Variants in FRMD4A observed in about 807,000 individuals in gnomAD.
The protein encoded by FRMD4A is FERM domain-containing protein 4A.
FRMD4A carries 29 observed loss-of-function variants against 129.1 expected under a neutral mutation model. That is an observed-to-expected ratio of 0.22 (90% CI 0.17 to 0.31). FRMD4A has a LOEUF of 0.31. Among genes scored for constraint, FRMD4A ranks in the 10% least tolerant of loss-of-function variants. The probability of loss-of-function intolerance (pLI) is 1.00; values close to 1 mark genes in which losing one functional copy is unlikely to be tolerated. For synonymous variants in FRMD4A, 634 were observed against 571.6 expected, an observed-to-expected ratio of 1.11 and a Z score of -1.56; for missense variants, 1,272 against 1,375.8, an observed-to-expected ratio of 0.92 and a Z score of 1.19.
rs2081087778 is a variant in FRMD4A, at chr10:13,645,881, A to G, written c.*1157T>C. 1 of 152,682 alleles carries G rather than the reference A, an allele frequency of 6.5e-6. No homozygotes were observed. Among genetic ancestry groups the G allele is most frequent in the African/African-American group, 2.4e-5 (1 of 41,476 alleles). The allele number at this position is 152,682 out of a possible 1,614,324, so 9.5% of individuals were successfully genotyped here. A position where few individuals can be genotyped will look rare whatever the true frequency, so the allele number is the denominator to read the frequency against. ...TTGGTTTCCCATAAAAACGAAAATG[A>G]AACACCTTGTGCAAAAAAATAGGAT... On this transcript the variant is annotated 3_prime_UTR_variant, in exon 25 of 25. Transcript: ENST00000357447.
chr10:13,785,754 A>G (rs1218475500), intron 5 of FRMD4A, among the ~76,000 whole-genome samples: 6 of 152,178 alleles, frequency 3.9e-5, no homozygotes, highest in African/African-American at 1.2e-4. Flanking sequence ...TATGTCTCCT[A>G]ATGCTATCCC....
intron 2 of FRMD4A, among the ~76,000 whole-genome samples, chr10:14,222,610 G>T (rs979502724): frequency 3.3e-5 from 5 of 152,116 alleles, no homozygotes; most frequent in Middle Eastern, 3.2e-3. Context: ...ATTCAAATGT[G>T]ATTCCCATCA....
intron 15 of FRMD4A, among the ~76,000 whole-genome samples, chr10:13,680,662 G>GT (rs1325152071): frequency 6.6e-6 from 1 of 152,126 alleles, no homozygotes; most frequent in Non-Finnish European, 1.5e-5. Context: ...GGAGGCGGAG[G>GT]TTGCGGTGAG....
At chr10:13,952,271 G>A (rs1210239858) in intron 2 of FRMD4A, among the ~76,000 whole-genome samples, 1 of 152,006 alleles carries the variant, frequency 6.6e-6, no homozygotes, top group Non-Finnish European at 1.5e-5. Context: ...GCTGAGGCAG[G>A]ACAACTGTTT....
chr10:14,299,300 T>C (rs995469905), intron 2 of FRMD4A, among the ~76,000 whole-genome samples: 2 of 152,138 alleles, frequency 1.3e-5, no homozygotes, highest in Non-Finnish European at 2.9e-5. Flanking sequence ...CTTACCCCAA[T>C]GGACTGGTTC....
At chr10:14,274,005 A>G (rs1845254242) in intron 2 of FRMD4A, among the ~76,000 whole-genome samples, 1 of 152,102 alleles carries the variant, frequency 6.6e-6, no homozygotes, top group African/African-American at 2.4e-5. Context: ...TGGTGGGGGG[A>G]GAAATGAACT....
chr10:13,743,635 C>A (rs1308110176), intron 9 of FRMD4A, among the ~76,000 whole-genome samples: 1 of 152,116 alleles, frequency 6.6e-6, no homozygotes, highest in Non-Finnish European at 1.5e-5. Flanking sequence ...TTCTGGGTGG[C>A]CGACAGCAGC....
rs145178665 is a variant in FRMD4A at position 13,659,356 on chromosome 10, C to T, written c.2033G>A (p.Arg678Gln). 8 of 1,614,000 alleles carry T rather than the reference C, an allele frequency of 5.0e-6. No individual in the cohort carries two copies. The highest frequency in any genetic ancestry group is 2.7e-5 in the African/African-American group (2 of 74,926). Residue 678 changes from arginine (R) to glutamine (Q), a missense_variant, in exon 21 of 25, where the codon CGG (arginine) becomes CAG (glutamine). This residue lies in a region of FRMD4A where 972 missense variants were observed against 892.3 expected (regional missense o/e 1.09). Transcript: ENST00000357447. ...QSSMPSTPDL[R>Q]VRSPHYVHST... is the part of the protein sequence containing the mutation. ...ATGGACGTAGTGGGGACTCCGGACC[C>T]GCAGGTCTGGCGTGGACGGCATGCT...
intron 2 of FRMD4A, among the ~76,000 whole-genome samples, chr10:13,875,396 C>T (rs1171392303): frequency 1.3e-5 from 2 of 152,206 alleles, no homozygotes; most frequent in African/African-American, 4.8e-5. Flanking sequence ...CTTCCTCAAT[C>T]CATGTATTTC....
At chr10:13,959,956 C>A (rs1045745120) in intron 2 of FRMD4A, among the ~76,000 whole-genome samples, 21 of 152,188 alleles carry the variant, frequency 1.4e-4, no homozygotes, top group Non-Finnish European at 2.9e-5. Flanking sequence ...GGAAAAGGCA[C>A]CGTGGCTGCC....
At chr10:13,899,187 A>G (rs1026779600) in intron 2 of FRMD4A, among the ~76,000 whole-genome samples, 1 of 147,732 alleles carries the variant, frequency 6.8e-6, no homozygotes, top group African/African-American at 2.5e-5. Flanking sequence ...TAAGCCTGAT[A>G]ATATCTATTG....
chr10:13,948,410 C>T (rs2095348070), intron 2 of FRMD4A, among the ~76,000 whole-genome samples: 1 of 152,030 alleles, frequency 6.6e-6, no homozygotes, highest in Non-Finnish European at 1.5e-5. Flanking sequence ...GTCTTTGCTG[C>T]TGAAATCTTT....
intron 2 of FRMD4A, among the ~76,000 whole-genome samples, chr10:14,217,533 T>C (rs1250538330): frequency 1.3e-5 from 2 of 152,240 alleles, no homozygotes; most frequent in Non-Finnish European, 2.9e-5. Flanking sequence ...CCCAGCGATG[T>C]GGAACTGTGA....
At chr10:13,921,090 G>A (rs970961443) in intron 2 of FRMD4A, among the ~76,000 whole-genome samples, 4 of 152,128 alleles carry the variant, frequency 2.6e-5, no homozygotes, top group East Asian at 1.9e-4. Context: ...ATCAGGGCAC[G>A]AGCACCATTG....
intron 2 of FRMD4A, among the ~76,000 whole-genome samples, chr10:14,030,227 T>A (rs936178005): frequency 1.3e-5 from 2 of 152,214 alleles, no homozygotes; most frequent in Non-Finnish European, 2.9e-5. Context: ...TACTTGAAAT[T>A]TGCTGAGAGG....
chr10:14,048,859 ATAG>A (rs1834112898), intron 2 of FRMD4A, among the ~76,000 whole-genome samples: 1 of 119,966 alleles, frequency 8.3e-6, no homozygotes, highest in South Asian at 2.6e-4. Context: ...ATAGAATAGA[ATAG>A]AATAGAATAG....
chr10:14,185,671 A>G (rs1338363894), intron 2 of FRMD4A, among the ~76,000 whole-genome samples: 1 of 152,100 alleles, frequency 6.6e-6, no homozygotes, highest in Admixed American at 6.5e-5. Context: ...TGTGCAGATG[A>G]GCAGAAGAGA....
intron 2 of FRMD4A, among the ~76,000 whole-genome samples, chr10:14,070,229 C>A (rs75355508): frequency 0.075 from 11,342 of 152,180 alleles, 525 homozygotes; most frequent in African/African-American, 0.13. Flanking sequence ...TGCAGGGACC[C>A]CTGTGAGGTG....
Position 13,645,181 on chromosome 10 carries a change from T to C in FRMD4A, c.*1857A>G, listed in dbSNP as rs1411888353. On this transcript the variant is annotated 3_prime_UTR_variant, in exon 25 of 25. Transcript: ENST00000357447. Reference sequence around the variant, plus strand: ...GTCCATCCTTACCCTTCTGGTCTGGTAGAGCCTATGGTTATTCTTGGATTC... The same window carrying C: ...GTCCATCCTTACCCTTCTGGTCTGGCAGAGCCTATGGTTATTCTTGGATTC... 2.0e-5 allele frequency: 3 copies of C among 152,186 alleles called. No individual in the cohort carries two copies. The highest frequency in any genetic ancestry group is 2.1e-4 in the South Asian group (1 of 4,826). The allele number at this position is 152,186 out of a possible 1,614,324, so 9.4% of individuals were successfully genotyped here.
Sources: allele counts gnomAD v4.1 joint callset (sites outside exome capture counted in the v4.1 genomes callset), GRCh38; gene constraint gnomAD v4.1.1; regional missense constraint gnomAD v4.1.1; transcripts MANE v1.5; gene names NCBI Gene and HGNC (gene_info 2026-07-23, HGNC 2026-07-21).